The following NDUFAF1 variants were observed in gnomAD, a reference collection of about 807,000 sequenced individuals.
NDUFAF1 encodes NADH:ubiquinone oxidoreductase complex assembly factor 1.
In NDUFAF1, 18 loss-of-function variants were observed where a neutral mutation model predicts 28.7. The ratio of observed to expected loss-of-function variants is 0.63; its 90% CI spans 0.43 to 0.93. NDUFAF1 has a LOEUF of 0.93. Among genes scored for constraint, NDUFAF1 ranks in the 40% least tolerant of loss-of-function variants. The pLI, the probability that NDUFAF1 is intolerant of heterozygous loss-of-function variation, is 0.00. For synonymous variants in NDUFAF1, 113 were observed against 139.7 expected, an observed-to-expected ratio of 0.81 and a Z score of 1.35; for missense variants, 404 against 398.3, an observed-to-expected ratio of 1.01 and a Z score of -0.12.
At chr15:41,390,108 C>CA (rs1000891905) in intron 3 of NDUFAF1, among the ~76,000 whole-genome samples, 2 of 151,996 alleles carry the variant, frequency 1.3e-5, no homozygotes, top group Non-Finnish European at 2.9e-5. Flanking sequence ...GGACTAAAGG[C>CA]ACATGCCACC....
At chr15:41,401,715 C>A (rs896026496) in intron 1 of NDUFAF1, among the ~76,000 whole-genome samples, 7 of 151,946 alleles carry the variant, frequency 4.6e-5, no homozygotes, top group African/African-American at 1.7e-4. Flanking sequence ...CGTGAGCCAC[C>A]GCGCCCAGCC....
chr15:41,393,589 C>CTTTTTTTTTTTTT (rs551792777), intron 3 of NDUFAF1, among the ~76,000 whole-genome samples: 12 of 135,520 alleles, frequency 8.9e-5, no homozygotes, highest in African/African-American at 3.2e-4. Context: ...CGCGGCCGGC[C>CTTTTTTTTTTTTT]TTTTTTTTTT....
chr15:41,395,119 C>T, intron 2 of NDUFAF1, 75 bp from the exon 3 acceptor site: 3 of 1,375,778 alleles, frequency 2.2e-6, no homozygotes, highest in Non-Finnish European at 3.1e-6. Flanking sequence ...ACCAAGTCAG[C>T]ATCATCAACA....
intron 3 of NDUFAF1, among the ~76,000 whole-genome samples, chr15:41,393,868 G>A (rs1168904267): frequency 6.6e-6 from 1 of 151,384 alleles, no homozygotes; most frequent in Non-Finnish European, 1.5e-5. Context: ...ACCGCGCCTG[G>A]CCTCTAATTC....
intron 3 of NDUFAF1, among the ~76,000 whole-genome samples, chr15:41,393,291 ATTTTT>A (rs911259285): frequency 7.5e-5 from 7 of 93,660 alleles, no homozygotes; most frequent in East Asian, 5.5e-4. Context: ...TGCCCGGCTA[ATTTTT>A]TTTTTTTTTT....
intron 1 of NDUFAF1, among the ~76,000 whole-genome samples, chr15:41,398,018 T>C (rs1312723852): frequency 6.4e-5 from 7 of 109,470 alleles, no homozygotes; most frequent in Non-Finnish European, 1.3e-4. Context: ...AGCGAGACTC[T>C]GTCTCAAAAA....
In NDUFAF1 at chr15:41,389,476, AAAGG is replaced by A. The variant is rs554668662; in HGVS notation, c.760-958_760-955del. ...ATTTTATTTATATTTTGAGTTTAACAAAGGAAGAAAATGGCTGGGCCTGGTTGTG... is the reference window on the plus strand; with the variant it reads ...ATTTTATTTATATTTTGAGTTTAACAAAGAAAATGGCTGGGCCTGGTTGTG... On this transcript the variant is annotated intron_variant, in intron 3 of 4. Coordinates refer to ENST00000260361, the MANE Select transcript of NDUFAF1 (RefSeq NM_016013.4). Among the ~76,000 whole-genome samples the A allele has an allele frequency of 3.9e-5, 6 of 152,222 alleles. No individual in the cohort carries two copies. The South Asian group carries it at 1.2e-3, about 32-fold the overall frequency.
chr15:41,402,453 G>C lies in NDUFAF1; in HGVS notation c.-391C>G, dbSNP rs1395585416. 3 of 425,404 alleles carry C rather than the reference G, an allele frequency of 7.1e-6. No homozygotes were observed. In the East Asian group the frequency reaches 2.2e-4, roughly 30 times the overall value. 26.4% of individuals were successfully genotyped at this position (425,404 alleles called of 1,614,324 possible). A position where few individuals can be genotyped will look rare whatever the true frequency, so the allele number is the denominator to read the frequency against. The stretch of plus-strand genomic sequence containing the variant: ...CCGGCCTGCCGCCGCTTACCTCCCC[G>C]AGCCTATAGTGTACCTTCCGCCCAG... On this transcript the variant is annotated 5_prime_UTR_variant, in exon 1 of 5. Transcript: ENST00000260361.
intron 3 of NDUFAF1, among the ~76,000 whole-genome samples, chr15:41,392,797 T>G (rs371010749): frequency 2.6e-5 from 4 of 152,068 alleles, no homozygotes; most frequent in Non-Finnish European, 4.4e-5. Context: ...CTTACATGCT[T>G]AGGAGGTACA....
chr15:41,388,333 T>A, intron 4 of NDUFAF1, 115 bp downstream of exon 4: 1 of 829,964 alleles, frequency 1.2e-6, no homozygotes, highest in Non-Finnish European at 2.0e-6. Flanking sequence ...ATAAGAGCAG[T>A]GGCCCTGAGA....
rs1004747744 is a variant in NDUFAF1, at chr15:41,402,134, C to T, written c.-82+10G>A. On this transcript the variant is annotated intron_variant, in intron 1 of 4. Coordinates refer to ENST00000260361, the MANE Select transcript of NDUFAF1 (RefSeq NM_016013.4). Reference sequence around the variant, plus strand: ...AGTGAGTAGAATTAGTAAAGCTATCCATGCCTTACCATGTGCCAGAAACTG... The same window carrying T: ...AGTGAGTAGAATTAGTAAAGCTATCTATGCCTTACCATGTGCCAGAAACTG... 2.2e-6 allele frequency: 1 copy of T among 447,808 alleles called. No homozygotes were observed. The highest frequency in any genetic ancestry group is 4.5e-6 in the Non-Finnish European group (1 of 221,730). 27.7% of individuals were successfully genotyped at this position (447,808 alleles called of 1,614,324 possible). A position where few individuals can be genotyped will look rare whatever the true frequency, so the allele number is the denominator to read the frequency against.
At chr15:41,402,700 T>G (rs1347188502), upstream of NDUFAF1, among the ~76,000 whole-genome samples, 1 of 151,640 alleles carries the variant, frequency 6.6e-6, no homozygotes, top group East Asian at 1.9e-4. Flanking sequence ...TCCTGTATCC[T>G]TTCAGGCGGC....
intron 2 of NDUFAF1, among the ~76,000 whole-genome samples, 165 bp from the exon 3 acceptor site, chr15:41,395,209 A>G (rs575375589): frequency 6.6e-6 from 1 of 152,178 alleles, no homozygotes; most frequent in African/African-American, 2.4e-5. Context: ...AGCACAAAAT[A>G]CTGACATAGT....
chr15:41,390,748 A>C (rs1046785325), intron 3 of NDUFAF1, among the ~76,000 whole-genome samples: 2 of 146,582 alleles, frequency 1.4e-5, no homozygotes, highest in Non-Finnish European at 3.0e-5. Context: ...ATAGTATTTT[A>C]TCTGCTGGGT....
intron 3 of NDUFAF1, chr15:41,393,969 A>G (rs1448863482): frequency 3.9e-6 from 1 of 256,430 alleles, no homozygotes; most frequent in Non-Finnish European, 7.7e-6. Flanking sequence ...TTGGCCTCCC[A>G]AAGTGCTGGG....
rs1329347878 is a variant in NDUFAF1, at chr15:41,397,643, C to A, written c.-81-503G>T. ...TGAAACCCCGTCTCTACTAAAAATA[C>A]AAAAAATTAGCCGGGTGTGGTGGCG... On this transcript the variant is annotated intron_variant, in intron 1 of 4. Coordinates refer to ENST00000260361, the MANE Select transcript of NDUFAF1 (RefSeq NM_016013.4). Among the ~76,000 whole-genome samples, 8 of 150,906 alleles carry A rather than the reference C, an allele frequency of 5.3e-5. No individual in the cohort carries two copies. In the South Asian group the frequency reaches 1.5e-3, roughly 27 times the overall value.
chr15:41,398,908 A>G (rs1374865361), intron 1 of NDUFAF1, among the ~76,000 whole-genome samples: 1 of 151,772 alleles, frequency 6.6e-6, no homozygotes, highest in East Asian at 1.9e-4. Flanking sequence ...GTGAGCCGAG[A>G]TTGCACCACT....
intron 3 of NDUFAF1, among the ~76,000 whole-genome samples, chr15:41,389,683 G>A (rs1427233250): frequency 6.6e-6 from 1 of 152,072 alleles, no homozygotes; most frequent in Non-Finnish European, 1.5e-5. Flanking sequence ...TAAGGTGGGA[G>A]GATCACCTGA....
At chr15:41,393,331 C>T (rs551600058) in intron 3 of NDUFAF1, among the ~76,000 whole-genome samples, 2 of 143,794 alleles carry the variant, frequency 1.4e-5, no homozygotes, top group African/African-American at 5.2e-5. Context: ...CGAAGTCTCC[C>T]GCCCAGCCTG....
Sources: gnomAD v4.1 joint callset for allele counts (sites outside exome capture counted in the v4.1 genomes callset) on GRCh38, gnomAD v4.1.1 for gene constraint, MANE v1.5 for transcripts, NCBI Gene and HGNC (gene_info 2026-07-23, HGNC 2026-07-21) for gene names.